Variants in ZNF423 observed in about 807,000 individuals in gnomAD.
ZNF423 encodes zinc finger protein 423, also known as Ebf-associated zinc finger protein.
In ZNF423, 12 loss-of-function variants were observed where a neutral mutation model predicts 95.8. The observed-to-expected ratio is 0.13, with a 90% confidence interval of 0.08 to 0.20. ZNF423 has a LOEUF of 0.20. Among genes scored for constraint, ZNF423 ranks in the 10% least tolerant of loss-of-function variants. The pLI is 1.00. For missense variants in ZNF423, 1,316 were observed against 1,737.1 expected (o/e 0.76, Z 4.31); for synonymous variants, 749 against 711.9 (o/e 1.05, Z -0.83).
At chr16:49,669,362 AAAG>A (rs1328755635) in intron 3 of ZNF423, among the ~76,000 whole-genome samples, 2 of 152,116 alleles carry the variant, frequency 1.3e-5, no homozygotes, top group Admixed American at 6.5e-5. Context: ...AGAAAAAAGA[AAAG>A]AAAAAAAAAT....
chr16:49,761,251 G>A (rs1350772370), intron 2 of ZNF423, among the ~76,000 whole-genome samples: 1 of 152,202 alleles, frequency 6.6e-6, no homozygotes, highest in Non-Finnish European at 1.5e-5. Flanking sequence ...AAAGGGTCCT[G>A]CACAACACTG....
intron 4 of ZNF423, among the ~76,000 whole-genome samples, chr16:49,626,765 A>AC (rs1387092514): frequency 2.1e-5 from 3 of 146,182 alleles, no homozygotes; most frequent in Non-Finnish European, 4.5e-5. Context: ...CCACCAATAG[A>AC]CCCATCCATC....
At chr16:49,512,885 CA>C (rs1967955982) in intron 7 of ZNF423, among the ~76,000 whole-genome samples, 1 of 152,088 alleles carries the variant, frequency 6.6e-6, no homozygotes, top group Non-Finnish European at 1.5e-5. Context: ...CACTTGAGGT[CA>C]GAAGTTTGAG....
At chr16:49,634,509 C>T (rs1972613303) in intron 4 of ZNF423, among the ~76,000 whole-genome samples, 1 of 152,004 alleles carries the variant, frequency 6.6e-6, no homozygotes, top group African/African-American at 2.4e-5. Context: ...CTCTCTCTGG[C>T]CCTCTTCTCT....
chr16:49,822,264 C>T lies in ZNF423; in HGVS notation c.41-32718G>A, dbSNP rs548066318. On this transcript the variant is annotated intron_variant, in intron 1 of 7. Coordinates refer to ENST00000563137, the MANE Select transcript of ZNF423 (RefSeq NM_001379286.1). ...TTTCAGCTTGCTGTGACCTCCGCCT[C>T]CCAGGTTCAAGTGATTCTCACGCCT... 1.1e-4 allele frequency among the ~76,000 whole-genome samples: 16 copies of T among 151,986 alleles called. 1 individual carries two copies. In the South Asian group the frequency reaches 3.1e-3, roughly 30 times the overall value.
At chr16:49,787,169 C>A (rs1361333426) in intron 2 of ZNF423, among the ~76,000 whole-genome samples, 1 of 152,188 alleles carries the variant, frequency 6.6e-6, no homozygotes, top group Non-Finnish European at 1.5e-5. Context: ...TTCCGCCTGC[C>A]ACCCAGGCTT....
intron 7 of ZNF423, among the ~76,000 whole-genome samples, chr16:49,509,619 C>T (rs903809920): frequency 1.2e-4 from 19 of 152,088 alleles, no homozygotes; most frequent in Non-Finnish European, 2.4e-4. Context: ...CAGGCTTCCA[C>T]CCAGAGCACC....
intron 2 of ZNF423, among the ~76,000 whole-genome samples, chr16:49,751,055 G>A (rs58722799): frequency 0.013 from 2,055 of 152,318 alleles, 51 homozygotes; most frequent in African/African-American, 0.047. Context: ...GAAATCAGAA[G>A]GTGCTGGGAG....
chr16:49,616,155 G>A (rs946610223), intron 5 of ZNF423, among the ~76,000 whole-genome samples: 4 of 152,116 alleles, frequency 2.6e-5, no homozygotes, highest in Non-Finnish European at 4.4e-5. Context: ...GCACACAGTA[G>A]GTATTCAAGA....
At chr16:49,793,285 C>A (rs1202726313) in intron 1 of ZNF423, among the ~76,000 whole-genome samples, 1 of 152,172 alleles carries the variant, frequency 6.6e-6, no homozygotes, top group South Asian at 2.1e-4. Context: ...TGGCCCCAAC[C>A]CACACTGGCA....
At chr16:49,607,107 TGAGA>T (rs1455606276) in intron 5 of ZNF423, among the ~76,000 whole-genome samples, 1 of 151,116 alleles carries the variant, frequency 6.6e-6, no homozygotes, top group Non-Finnish European at 1.5e-5. Flanking sequence ...TCTTGACAGT[TGAGA>T]GAGTCAGAGT....
chr16:49,587,882 G>T (rs1970891110), intron 5 of ZNF423, among the ~76,000 whole-genome samples: 1 of 152,070 alleles, frequency 6.6e-6, no homozygotes, highest in Non-Finnish European at 1.5e-5. Flanking sequence ...CAACTCAAAT[G>T]CCTCTCCTCT....
intron 2 of ZNF423, among the ~76,000 whole-genome samples, chr16:49,772,026 T>A (rs1323440527): frequency 6.6e-6 from 1 of 152,180 alleles, no homozygotes; most frequent in East Asian, 1.9e-4. Flanking sequence ...AGATGTGTTA[T>A]GAGGGCCTGG....
intron 5 of ZNF423, among the ~76,000 whole-genome samples, chr16:49,568,640 C>G (rs902096341): frequency 2.0e-5 from 3 of 152,096 alleles, no homozygotes; most frequent in Non-Finnish European, 4.4e-5. Flanking sequence ...ATTAGTACAT[C>G]GATGGTCTGA....
chr16:49,718,860 C>T (rs190107062), intron 3 of ZNF423, among the ~76,000 whole-genome samples: 199 of 152,286 alleles, frequency 1.3e-3, no homozygotes, highest in Admixed American at 1.5e-3. Context: ...AATACTACCA[C>T]ATTGGGGATT....
At chr16:49,668,537 C>T (rs2030649442) in intron 3 of ZNF423, among the ~76,000 whole-genome samples, 1 of 152,192 alleles carries the variant, frequency 6.6e-6, no homozygotes, top group African/African-American at 2.4e-5. Context: ...CTGTCCTGGT[C>T]CTGTTTAGGG....
chr16:49,845,494 G>A (rs2035235651), intron 1 of ZNF423, among the ~76,000 whole-genome samples: 1 of 151,520 alleles, frequency 6.6e-6, no homozygotes, highest in Non-Finnish European at 1.5e-5. Flanking sequence ...TATGCACCGG[G>A]ACAACAGTTC....
rs374245760 is a variant in ZNF423 at position 49,609,072 on chromosome 16, T to A, written c.3601+17098A>T. Among the ~76,000 whole-genome samples the A allele has an allele frequency of 1.2e-4, 19 of 152,084 alleles. No homozygotes were observed. In the South Asian group the frequency reaches 3.1e-3, roughly 25 times the overall value. On this transcript the variant is annotated intron_variant, in intron 5 of 7. Transcript: ENST00000563137. ...TAACAGTAACAAGTGCCCTAACCCA[T>A]CCTCCTGGTATAGTGGAGACCATGT...
chr16:49,745,497 C>T (rs2033502631), intron 2 of ZNF423, among the ~76,000 whole-genome samples: 1 of 152,206 alleles, frequency 6.6e-6, no homozygotes, highest in African/African-American at 2.4e-5. Context: ...TGCATCTGAT[C>T]AGAAACATGG....
Sources: allele counts gnomAD v4.1 joint callset (sites outside exome capture counted in the v4.1 genomes callset), GRCh38; gene constraint gnomAD v4.1.1; transcripts MANE v1.5; gene names NCBI Gene and HGNC (gene_info 2026-07-23, HGNC 2026-07-21).